Variants in RTL4 observed in about 807,000 individuals in gnomAD.
The protein encoded by RTL4 is retrotransposon Gag-like protein 4.
A neutral mutation model predicts 5.3 loss-of-function variants in RTL4; 4 were observed. The ratio of observed to expected loss-of-function variants is 0.75; its 90% CI spans 0.37 to 1.72. RTL4 has a LOEUF of 1.72. RTL4 is among the 40% of genes most tolerant of loss of function. RTL4 has a pLI of 0.04. For missense variants in RTL4, 260 were observed against 227.1 expected (o/e 1.14, Z -0.93); for synonymous variants, 98 against 87.3 (o/e 1.12, Z -0.68).
chrX:112,383,164 A>G, the RTL4 span, among the ~76,000 whole-genome samples: 38 of 112,066 alleles, frequency 3.4e-4, no homozygotes, highest in African/African-American at 1.2e-3. Flanking sequence ...TGTGTACCAT[A>G]TGTTTATTCC....
At chrX:112,444,842 A>T in the RTL4 span, among the ~76,000 whole-genome samples, 1 of 111,981 alleles carries the variant, frequency 8.9e-6, no homozygotes, top group African/African-American at 3.2e-5. Context: ...TTTCCACGAT[A>T]TCAGTTGTAA....
chrX:112,367,461 G>GA, the RTL4 span, among the ~76,000 whole-genome samples: 1 of 111,463 alleles, frequency 9.0e-6, no homozygotes, highest in Non-Finnish European at 1.9e-5. Flanking sequence ...AAGTCATCAG[G>GA]AAAAAAACCA....
chrX:112,197,757 C>T, the RTL4 span, among the ~76,000 whole-genome samples: 1 of 111,211 alleles, frequency 9.0e-6, no homozygotes, highest in African/African-American at 3.3e-5. Flanking sequence ...TTCTCTCTAC[C>T]CTTCAGAATT....
At chrX:112,393,523 C>T in the RTL4 span, among the ~76,000 whole-genome samples, 1 of 111,811 alleles carries the variant, frequency 8.9e-6, no homozygotes, top group Admixed American at 9.5e-5. Context: ...CTGGAGATCC[C>T]AATTGGGAGG....
At chrX:112,127,039 G>A in the RTL4 span, among the ~76,000 whole-genome samples, 1 of 111,848 alleles carries the variant, frequency 8.9e-6, no homozygotes, top group African/African-American at 3.2e-5. Flanking sequence ...CCAAAAAATA[G>A]AGGAGGAGCG....
At chrX:112,368,759 G>A in the RTL4 span, among the ~76,000 whole-genome samples, 2 of 112,133 alleles carry the variant, frequency 1.8e-5, no homozygotes, top group African/African-American at 6.5e-5. Flanking sequence ...CAAAGCTTAT[G>A]AACTGACAAG....
the RTL4 span, among the ~76,000 whole-genome samples, chrX:112,267,823 G>A: frequency 9.1e-6 from 1 of 109,974 alleles, no homozygotes; most frequent in Admixed American, 9.7e-5. Context: ...CCAATTCATA[G>A]GGGAAATTAT....
chrX:112,290,670 A>T, the RTL4 span, among the ~76,000 whole-genome samples: 1 of 112,618 alleles, frequency 8.9e-6, no homozygotes, highest in South Asian at 3.7e-4. Context: ...TTAGACACAT[A>T]GCTGACCATT....
the RTL4 span, among the ~76,000 whole-genome samples, chrX:112,236,442 TCTATATATA>T: frequency 5.0e-5 from 4 of 79,398 alleles, no homozygotes; most frequent in Admixed American, 2.7e-4. Flanking sequence ...TAGATCTATA[TCTATATATA>T]GATATAGATC....
At chrX:112,319,754 A>AT in the RTL4 span, among the ~76,000 whole-genome samples, 7 of 108,708 alleles carry the variant, frequency 6.4e-5, no homozygotes, top group East Asian at 1.2e-3. Context: ...GTAGTCTTTC[A>AT]TTTTTTTTTC....
chrX:112,355,203 A>G, the RTL4 span, among the ~76,000 whole-genome samples: 1 of 111,550 alleles, frequency 9.0e-6, no homozygotes, highest in African/African-American at 3.3e-5. Context: ...TGTTTTAACA[A>G]CACTTCGAAT....
At chrX:112,146,777 G>A in the RTL4 span, among the ~76,000 whole-genome samples, 1 of 109,497 alleles carries the variant, frequency 9.1e-6, no homozygotes, top group African/African-American at 3.3e-5. Flanking sequence ...AGAGTGTGAT[G>A]TATGGAAAAG....
the RTL4 span, among the ~76,000 whole-genome samples, chrX:112,281,646 G>A: frequency 1.8e-5 from 2 of 110,767 alleles, no homozygotes; most frequent in African/African-American, 6.6e-5. Context: ...ATTCTCACCA[G>A]CATTTGTTGT....
the RTL4 span, among the ~76,000 whole-genome samples, chrX:112,417,873 T>G: frequency 8.9e-6 from 1 of 111,828 alleles, no homozygotes; most frequent in Non-Finnish European, 1.9e-5. Flanking sequence ...TAAAATTGAT[T>G]GTGGTGGCTC....
the RTL4 span, among the ~76,000 whole-genome samples, chrX:112,346,606 G>T: frequency 1.8e-5 from 2 of 110,916 alleles, no homozygotes; most frequent in African/African-American, 6.6e-5. Context: ...ATACAGATTG[G>T]TGCCTTCTCT....
the RTL4 span, among the ~76,000 whole-genome samples, chrX:112,120,580 G>GT: frequency 7.0e-3 from 648 of 92,929 alleles, 6 homozygotes; most frequent in East Asian, 0.052. Flanking sequence ...CCCGGCTGGG[G>GT]TTTTTTTTTT....
the RTL4 span, among the ~76,000 whole-genome samples, chrX:112,091,107 T>C: frequency 9.0e-6 from 1 of 111,658 alleles, no homozygotes; most frequent in African/African-American, 3.2e-5. Flanking sequence ...TGTCCCCACT[T>C]TCATTTCTGA....
chrX:112,278,825 T>TC, the RTL4 span, among the ~76,000 whole-genome samples: 111 of 109,445 alleles, frequency 1.0e-3, no homozygotes, highest in African/African-American at 3.5e-3. Context: ...AGTTTCCTCC[T>TC]CCCAAAAAAA....
the RTL4 span, among the ~76,000 whole-genome samples, chrX:112,347,295 A>G: frequency 8.9e-6 from 1 of 111,896 alleles, no homozygotes; most frequent in African/African-American, 3.2e-5. Flanking sequence ...AACTGTGAAA[A>G]GCATGACAAA....
Sources: allele counts gnomAD v4.1 joint callset (sites outside exome capture counted in the v4.1 genomes callset), GRCh38; gene constraint gnomAD v4.1.1; transcripts MANE v1.5; gene names NCBI Gene and HGNC (gene_info 2026-07-23, HGNC 2026-07-21).